Variants in PRPF8 observed in about 807,000 individuals in gnomAD.
PRPF8 encodes the protein pre-mRNA processing factor 8.
Under a neutral mutation model 285.9 loss-of-function variants are expected in PRPF8, and 64 were observed. The observed-to-expected ratio is 0.22, with a 90% CI of 0.18 to 0.28. The LOEUF is 0.28. Ranked by LOEUF, PRPF8 falls within the 10% of genes least tolerant of loss-of-function variation. The pLI is 1.00. For synonymous variants in PRPF8, 1,325 were observed against 1,118.2 expected (o/e 1.18, Z -3.69); for missense variants, 1,426 against 3,026.7 (o/e 0.47, Z 12.41).
intron 14 of PRPF8, 125 bp from the exon 15 acceptor site, chr17:1,677,297 T>C: frequency 9.2e-7 from 1 of 1,084,998 alleles, no homozygotes; most frequent in African/African-American, 1.5e-5. Context: ...AGCGTCCCTG[T>C]GCCCAGCATA....
chr17:1,652,137 TTTTAAG>T (rs1247529839), intron 39 of PRPF8: 1 of 410,844 alleles, frequency 2.4e-6, no homozygotes, highest in African/African-American at 2.0e-5. Context: ...CTTGGTGCTA[TTTTAAG>T]TTTTACATTA....
intron 2 of PRPF8, among the ~76,000 whole-genome samples, 180 bp downstream of exon 2, chr17:1,684,292 C>T (rs892573458): frequency 1.3e-5 from 2 of 152,230 alleles, no homozygotes; most frequent in Non-Finnish European, 2.9e-5. Context: ...TACTGTACCC[C>T]CGCTGGATCA....
Position 1,676,694 on chromosome 17 carries a change from C to T in PRPF8, c.2199G>A (p.Thr733=), listed in dbSNP as rs777885967. 14 of 1,613,908 alleles carry T rather than the reference C, an allele frequency of 8.7e-6. No individual in the cohort carries two copies. The highest frequency in any genetic ancestry group is 5.3e-5 in the African/African-American group (4 of 74,890). Residue 733 remains threonine (T), a synonymous_variant, in exon 16 of 43, where the codon ACG becomes ACA. Coordinates refer to ENST00000304992, the MANE Select transcript of PRPF8 (RefSeq NM_006445.4). This position sits in a 1 kb window ranked among gnomAD's most constrained non-coding sequence, Gnocchi z 6.3. Reference sequence around the variant, plus strand: ...ATCGAAGGATCATATTCTCTATGGGCGTCGGCAGCCCAGGGACCTAAAAGT... The same window carrying T: ...ATCGAAGGATCATATTCTCTATGGGTGTCGGCAGCCCAGGGACCTAAAAGT... ...NIPWKVPGLP[T]PIENMILRYV...
chr17:1,653,368 C>T lies in PRPF8; in HGVS notation c.6369+174G>A. ...TACTACCTTCTCTCAGCTGCCACAG[C>T]TTTTGCTATCTCATGGGGCCAAAAC... On this transcript the variant is annotated intron_variant, in intron 39 of 42. Transcript: ENST00000304992. The surrounding 1 kb of genome is among the most constrained non-coding windows in gnomAD (Gnocchi z 4.9). The T allele has an allele frequency of 1.3e-6, 1 of 789,472 alleles. No individual in the cohort carries two copies. The highest frequency in any genetic ancestry group is 1.5e-5 in the South Asian group (1 of 65,686). The allele number at this position is 789,472 out of a possible 1,614,324, so 48.9% of individuals were successfully genotyped here. A position where few individuals can be genotyped will look rare whatever the true frequency, so the allele number is the denominator to read the frequency against.
chr17:1,651,904 T>TG lies in PRPF8; in HGVS notation c.6370-117dup, dbSNP rs1160690046. On this transcript the variant is annotated intron_variant, in intron 39 of 42. Coordinates refer to ENST00000304992, the MANE Select transcript of PRPF8 (RefSeq NM_006445.4). The surrounding 1 kb of genome is among the most constrained non-coding windows in gnomAD (Gnocchi z 5.1). ...AACGAGGACAGAGTTTCTTAAAACGTGATCAGAACCCCCTGTATCAGAATC... is the reference window on the plus strand; with the variant it reads ...AACGAGGACAGAGTTTCTTAAAACGTGGATCAGAACCCCCTGTATCAGAATC... 1 of 1,312,800 alleles carries TG rather than the reference T, an allele frequency of 7.6e-7. No individual in the cohort carries two copies. Among genetic ancestry groups the TG allele is most frequent in the African/African-American group, 1.4e-5 (1 of 69,030 alleles). The allele number at this position is 1,312,800 out of a possible 1,614,324, so 81.3% of individuals were successfully genotyped here. A position where few individuals can be genotyped will look rare whatever the true frequency, so the allele number is the denominator to read the frequency against.
chr17:1,650,937 G>A lies in PRPF8; in HGVS notation c.6873C>T (p.Asn2291=). ...YNFMGVRHDP[N]MKYELQLANP... is the part of the protein sequence containing the mutation. ...TCGCCAGCTGTAGCTCATATTTCAT[G>A]TTGGGGTCATGCCGAACACCTTCGG... The change falls in exon 43 of 43, where the codon AAC becomes AAT. Residue 2291 remains asparagine, a synonymous_variant. Transcript: ENST00000304992. 6.2e-7 allele frequency: 1 copy of A among 1,614,212 alleles called. No homozygotes were observed. The highest frequency in any genetic ancestry group is 8.5e-7 in the Non-Finnish European group (1 of 1,180,040).
Position 1,661,989 on chromosome 17 carries a change from C to CG in PRPF8, c.3938dup (p.Val1314GlyfsTer7). The CG allele has an allele frequency of 6.2e-7, 1 of 1,613,876 alleles. No homozygotes were observed. The highest frequency in any genetic ancestry group is 8.5e-7 in the Non-Finnish European group (1 of 1,179,960). On this transcript the variant is annotated frameshift_variant, in exon 25 of 43. Coordinates refer to ENST00000304992, the MANE Select transcript of PRPF8 (RefSeq NM_006445.4). LOFTEE classifies it high-confidence loss of function. This position sits in a 1 kb window ranked among gnomAD's most constrained non-coding sequence, Gnocchi z 7.3. The stretch of plus-strand genomic sequence containing the variant: ...ACTCCTTAGGGGTGTAGAACACAAC[C>CG]GGGGGGAACCGACTTGGCATCTTGG...
chr17:1,654,788 A>G (rs1248331341), intron 37 of PRPF8: 1 of 162,294 alleles, frequency 6.2e-6, no homozygotes, highest in African/African-American at 2.5e-5. Context: ...GTACCACCAC[A>G]CCTGTTTTAA....
intron 2 of PRPF8, 67 bp from the exon 3 acceptor site, chr17:1,683,768 G>A: frequency 6.3e-7 from 1 of 1,590,540 alleles, no homozygotes. Flanking sequence ...TCTTGCCCTA[G>A]GGTAAGCTCC....
Position 1,658,811 on chromosome 17 carries a change from C to T in PRPF8, c.5139-48G>A. 2 of 1,543,294 alleles carry T rather than the reference C, an allele frequency of 1.3e-6. No homozygotes were observed. On this transcript the variant is annotated intron_variant, in intron 32 of 42. Transcript: ENST00000304992. The surrounding 1 kb of genome is among the most constrained non-coding windows in gnomAD (Gnocchi z 4.1). ...AAAAGTTAAGACGAGAATGACAGCC[C>T]CAGAAACAAGACAAGCTGCCAACTC...
rs1461227869 is a variant in PRPF8 at position 1,683,759 on chromosome 17, C to G, written c.101-58G>C. The G allele has an allele frequency of 1.5e-5, 24 of 1,602,248 alleles. No individual in the cohort carries two copies. The Admixed American group carries it at 4.1e-4, about 27-fold the overall frequency. On this transcript the variant is annotated intron_variant, in intron 2 of 42. Transcript: ENST00000304992. ...ACCCTCCCCCTAATCCTCTTCACCT[C>G]TTGCCCTAGGGTAAGCTCCTGTCAG...
intron 14 of PRPF8, 174 bp downstream of exon 14, chr17:1,677,391 G>A: frequency 9.5e-7 from 1 of 1,048,128 alleles, no homozygotes; most frequent in South Asian, 1.4e-5. Flanking sequence ...TGCCTCTCAA[G>A]GCCCCAGAAG....
In PRPF8 at chr17:1,655,872, G is replaced by A. The variant is rs192264703; in HGVS notation, c.5794-329C>T. On this transcript the variant is annotated intron_variant, in intron 36 of 42. Transcript: ENST00000304992. ...CAATCTCCTGACCTCGTGATCCGCC[G>A]CCTCGGCCTCCCAAAGTGCTGGGAT... Among the ~76,000 whole-genome samples the A allele has an allele frequency of 1.7e-3, 253 of 149,540 alleles. 3 individuals carry two copies. Among genetic ancestry groups the A allele is most frequent in the African/African-American group, 6.0e-3 (241 of 40,440 alleles).
rs752874187 is a variant in PRPF8, at chr17:1,675,830, T to C, written c.2680-18A>G. ...ATGCCCACCTGTGGGACAAGGAGGC[T>C]GGTTCACACCAATCCACCAACTGCT... On this transcript the variant is annotated intron_variant, in intron 18 of 42. Transcript: ENST00000304992. The surrounding 1 kb of genome is among the most constrained non-coding windows in gnomAD (Gnocchi z 6.0). 6.2e-7 allele frequency: 1 copy of C among 1,614,172 alleles called. No homozygotes were observed. The highest frequency in any genetic ancestry group is 8.5e-7 in the Non-Finnish European group (1 of 1,180,020).
chr17:1,678,940 T>A, intron 11 of PRPF8, 59 bp from the exon 12 acceptor site: 1 of 1,613,724 alleles, frequency 6.2e-7, no homozygotes, highest in Non-Finnish European at 8.5e-7. Context: ...AACTGATGTA[T>A]GCCTTCATCA....
chr17:1,669,372 T>C (rs868383983), intron 24 of PRPF8, among the ~76,000 whole-genome samples: 1 of 152,234 alleles, frequency 6.6e-6, no homozygotes, highest in Non-Finnish European at 1.5e-5. Flanking sequence ...CCCAAAGTGC[T>C]GGGATTACGG....
At chr17:1,662,822 C>CT (rs1911740823) in intron 24 of PRPF8, among the ~76,000 whole-genome samples, 1 of 137,188 alleles carries the variant, frequency 7.3e-6, no homozygotes, top group Non-Finnish European at 1.5e-5. Context: ...CAGAGCAAGA[C>CT]TGTGTCTCAA....
At position 1,675,607 on chromosome 17, in the gene PRPF8, A is replaced by G. The variant is rs1364277835; in HGVS notation, c.2872+13T>C. ...GCCCCGTTCCTCACAGGGCGATCTC[A>G]TGAAAGTTCTACCTTGACACCACTT... On this transcript the variant is annotated intron_variant, in intron 19 of 42. Coordinates refer to ENST00000304992, the MANE Select transcript of PRPF8 (RefSeq NM_006445.4). This position sits in a 1 kb window ranked among gnomAD's most constrained non-coding sequence, Gnocchi z 6.0. The G allele has an allele frequency of 6.2e-7, 1 of 1,613,984 alleles. No individual in the cohort carries two copies. Among genetic ancestry groups the G allele is most frequent in the Non-Finnish European group, 8.5e-7 (1 of 1,179,896 alleles).
chr17:1,667,478 ATATGT>A (rs1205807792), intron 24 of PRPF8, among the ~76,000 whole-genome samples: 2 of 150,618 alleles, frequency 1.3e-5, no homozygotes, highest in African/African-American at 4.9e-5. Context: ...AGAAATTTAT[ATATGT>A]TATACCTCTT....
Sources: gnomAD v4.1 joint callset for allele counts (sites outside exome capture counted in the v4.1 genomes callset) on GRCh38, gnomAD v4.1.1 for gene constraint, Gnocchi (gnomAD v3.1) non-coding constraint, MANE v1.5 for transcripts, NCBI Gene and HGNC (gene_info 2026-07-23, HGNC 2026-07-21) for gene names.